Variants in NKAIN3 observed in about 807,000 individuals in gnomAD.
The protein encoded by NKAIN3 is sodium/potassium-transporting ATPase subunit beta-1-interacting protein 3.
NKAIN3 carries 25 observed loss-of-function variants against 30.2 expected under a neutral mutation model. The observed-to-expected ratio is 0.83, with a 90% CI of 0.60 to 1.16. The LOEUF (loss-of-function observed/expected upper bound fraction) is 1.16, where lower values mean the gene tolerates loss of function less well. NKAIN3 is among the 50% of genes most tolerant of loss of function. NKAIN3 has a pLI of 0.00. For synonymous variants in NKAIN3, 91 were observed against 89.6 expected (o/e 1.02, Z -0.09); for missense variants, 225 against 254.1 (o/e 0.89, Z 0.78).
At chr8:62,994,308 G>T (rs941872856) in intron 5 of NKAIN3, among the ~76,000 whole-genome samples, 1 of 152,180 alleles carries the variant, frequency 6.6e-6, no homozygotes, top group Admixed American at 6.5e-5. Context: ...CTGTGTGCTG[G>T]AGTATTTCCA....
At chr8:62,563,684 A>C (rs1211425939) in intron 1 of NKAIN3, among the ~76,000 whole-genome samples, 1 of 152,190 alleles carries the variant, frequency 6.6e-6, no homozygotes, top group Admixed American at 6.5e-5. Context: ...TTGATATAAG[A>C]GAAGCAGTGA....
intron 4 of NKAIN3, among the ~76,000 whole-genome samples, chr8:62,806,205 G>A (rs1771460092): frequency 6.6e-6 from 1 of 152,194 alleles, no homozygotes; most frequent in Admixed American, 6.5e-5. Flanking sequence ...CACTGTTGGT[G>A]GGACTGTAAA....
intron 4 of NKAIN3, among the ~76,000 whole-genome samples, chr8:62,845,285 TTATATATATATATA>T (rs10525699): frequency 1.2e-4 from 8 of 68,930 alleles, no homozygotes; most frequent in South Asian, 5.6e-4. Flanking sequence ...GGATAGTAGA[TTATATATATATATA>T]TATATATATA....
chr8:62,623,712 T>G (rs1586020634), intron 3 of NKAIN3, among the ~76,000 whole-genome samples: 2 of 152,102 alleles, frequency 1.3e-5, no homozygotes, highest in South Asian at 4.1e-4. Context: ...AAACGTTTTA[T>G]TTCTCCTCCA....
chr8:62,248,998 C>A lies in NKAIN3; in HGVS notation c.-76C>A. The A allele has an allele frequency of 2.2e-6, 3 of 1,381,040 alleles. No individual in the cohort carries two copies. Among genetic ancestry groups the A allele is most frequent in the Non-Finnish European group, 3.0e-6 (3 of 1,011,288 alleles). 85.5% of individuals were successfully genotyped at this position (1,381,040 alleles called of 1,614,324 possible). ...CCTGGGCCGGGCCGGGCGGGGACTA[C>A]TCCGGAGTCAGGAGGCAGCAGCGGC... On this transcript the variant is annotated 5_prime_UTR_variant, in exon 1 of 7. Coordinates refer to ENST00000623646, the MANE Select transcript of NKAIN3 (RefSeq NM_001304533.3).
chr8:62,495,022 G>T (rs894955965), intron 1 of NKAIN3, among the ~76,000 whole-genome samples: 1 of 151,998 alleles, frequency 6.6e-6, no homozygotes, highest in Non-Finnish European at 1.5e-5. Flanking sequence ...AAAGAACAAT[G>T]TCTGTTTTAA....
chr8:62,909,695 A>C lies in NKAIN3; in HGVS notation c.472-8758A>C, dbSNP rs546250751. On this transcript the variant is annotated intron_variant, in intron 4 of 6. Transcript: ENST00000623646. ...ATTAAGCAGCAGTTTGGTTAATCACAATAGCAAAAGTAATTTTTGGAGTAA... is the reference window on the plus strand; with the variant it reads ...ATTAAGCAGCAGTTTGGTTAATCACCATAGCAAAAGTAATTTTTGGAGTAA... Among the ~76,000 whole-genome samples the C allele has an allele frequency of 1.0e-4, 13 of 124,908 alleles. No homozygotes were observed. The South Asian group carries it at 3.5e-3, about 34-fold the overall frequency. The allele number at this position is 124,908 out of a possible 152,430, so 81.9% of individuals were successfully genotyped here. A position where few individuals can be genotyped will look rare whatever the true frequency, so the allele number is the denominator to read the frequency against.
At chr8:62,748,849 AAATAT>A (rs1816173224) in intron 4 of NKAIN3, among the ~76,000 whole-genome samples, 1 of 152,180 alleles carries the variant, frequency 6.6e-6, no homozygotes, top group African/African-American at 2.4e-5. Flanking sequence ...TTACAGGTAT[AAATAT>A]AATATACAGT....
At chr8:62,746,809 T>C in intron 3 of NKAIN3, 123 bp from the exon 4 acceptor site, 2 of 651,130 alleles carry the variant, frequency 3.1e-6, no homozygotes, top group East Asian at 2.7e-5. Context: ...TTTTGTTACT[T>C]TTCACTTGAA....
intron 4 of NKAIN3, among the ~76,000 whole-genome samples, chr8:62,876,021 A>G (rs947127645): frequency 1.3e-5 from 2 of 152,246 alleles, no homozygotes; most frequent in Non-Finnish European, 2.9e-5. Context: ...AAAAGAAACT[A>G]GCATTAGAGT....
chr8:62,988,546 C>T (rs1192928221), downstream of NKAIN3, among the ~76,000 whole-genome samples: 2 of 152,262 alleles, frequency 1.3e-5, no homozygotes, highest in Non-Finnish European at 2.9e-5. Flanking sequence ...GGCTTGCACC[C>T]TCTGAAGCCA....
rs989547646 is a variant in NKAIN3 at position 62,969,149 on chromosome 8, C to T, written c.*3742C>T. ...GAAGATACTCGACACTTTGCCCTAGCAAAATATTGACTTCTTTGATTTTTC... is the reference window on the plus strand; with the variant it reads ...GAAGATACTCGACACTTTGCCCTAGTAAAATATTGACTTCTTTGATTTTTC... On this transcript the variant is annotated 3_prime_UTR_variant, in exon 7 of 7. Transcript: ENST00000623646. Among the ~76,000 whole-genome samples the T allele has an allele frequency of 2.0e-5, 3 of 152,182 alleles. No homozygotes were observed. The highest frequency in any genetic ancestry group is 7.2e-5 in the African/African-American group (3 of 41,450).
chr8:62,883,457 G>T (rs867099741), intron 4 of NKAIN3, among the ~76,000 whole-genome samples: 29 of 70,218 alleles, frequency 4.1e-4, no homozygotes, highest in African/African-American at 1.3e-3. Context: ...AGTTTTATGG[G>T]TTTTTTTTTT....
At position 62,345,286 on chromosome 8, in the gene NKAIN3, C is replaced by T. The variant is rs1585704313; in HGVS notation, c.54+96159C>T. Among the ~76,000 whole-genome samples, 6 of 146,954 alleles carry T rather than the reference C, an allele frequency of 4.1e-5. No individual in the cohort carries two copies. In the South Asian group the frequency reaches 1.3e-3, roughly 32 times the overall value. On this transcript the variant is annotated intron_variant, in intron 1 of 6. Transcript: ENST00000623646. ...ACACACACACACACATATACACGCA[C>T]ATATACACACATATATATGTATATA...
chr8:62,937,594 G>GCCAGC (rs1194181092), intron 5 of NKAIN3, among the ~76,000 whole-genome samples: 1 of 152,076 alleles, frequency 6.6e-6, no homozygotes, highest in Non-Finnish European at 1.5e-5. Context: ...GGGGAGGGCT[G>GCCAGC]CCAGCGGAAT....
chr8:62,569,443 A>G (rs938072046), intron 1 of NKAIN3, among the ~76,000 whole-genome samples: 4 of 152,168 alleles, frequency 2.6e-5, no homozygotes, highest in African/African-American at 4.8e-5. Context: ...AGAATGTGTT[A>G]GTGGAGTTGA....
rs184727692 is a variant in NKAIN3, at chr8:62,630,181, G to C, written c.273+40387G>C. Among the ~76,000 whole-genome samples the C allele has an allele frequency of 6.8e-4, 104 of 152,176 alleles. 1 individual carries two copies. In the Middle Eastern group the frequency reaches 0.01, roughly 15 times the overall value. On this transcript the variant is annotated intron_variant, in intron 3 of 6. Transcript: ENST00000623646. ...GTAGGAAAAACAGAGTACATATAGA[G>C]TTCAGTACTATTCTCTTTTTCTGGC... is the stretch of plus-strand genomic sequence containing the variant.
At chr8:62,568,821 A>G (rs560857493) in intron 1 of NKAIN3, among the ~76,000 whole-genome samples, 22 of 152,312 alleles carry the variant, frequency 1.4e-4, no homozygotes, top group Non-Finnish European at 2.6e-4. Flanking sequence ...ACTAAAACAC[A>G]TATAAACAGA....
At chr8:62,321,448 C>T (rs1248331747) in intron 1 of NKAIN3, among the ~76,000 whole-genome samples, 1 of 152,144 alleles carries the variant, frequency 6.6e-6, no homozygotes, top group African/African-American at 2.4e-5. Flanking sequence ...GTTTCTTCCC[C>T]ATCTTTGTGG....
Sources: gnomAD v4.1 joint callset for allele counts (sites outside exome capture counted in the v4.1 genomes callset) on GRCh38, gnomAD v4.1.1 for gene constraint, MANE v1.5 for transcripts, NCBI Gene and HGNC (gene_info 2026-07-23, HGNC 2026-07-21) for gene names.